The following CAMTA1 variants were observed in gnomAD, a reference collection of about 807,000 sequenced individuals.
CAMTA1 encodes calmodulin-binding transcription activator 1.
In CAMTA1, 27 loss-of-function variants were observed where a neutral mutation model predicts 170.9. The ratio of observed to expected loss-of-function variants is 0.16; its 90% CI spans 0.12 to 0.22. The LOEUF (loss-of-function observed/expected upper bound fraction) is 0.22, where lower values mean the gene tolerates loss of function less well. CAMTA1 is among the 10% of genes least tolerant of loss of function. CAMTA1 has a pLI of 1.00. For synonymous variants in CAMTA1, 833 were observed against 891.5 expected (o/e 0.93, Z 1.17); for missense variants, 1,619 against 2,217.2 (o/e 0.73, Z 5.42).
At chr1:6,896,555 C>T (rs191728429) in intron 3 of CAMTA1, among the ~76,000 whole-genome samples, 55 of 152,246 alleles carry the variant, frequency 3.6e-4, no homozygotes, top group Middle Eastern at 3.4e-3. Flanking sequence ...CTTTGGTCAG[C>T]CACTTTTCGT....
intron 5 of CAMTA1, among the ~76,000 whole-genome samples, chr1:7,272,488 C>G (rs907974872): frequency 1.2e-4 from 18 of 151,658 alleles, no homozygotes; most frequent in Non-Finnish European, 1.6e-4. Flanking sequence ...TTCTCAATTT[C>G]AAAACTTACT....
Position 7,534,625 on chromosome 1 carries a change from C to T in CAMTA1, c.510+66724C>T, listed in dbSNP as rs927922917. On this transcript the variant is annotated intron_variant, in intron 6 of 22. Transcript: ENST00000303635. The surrounding 1 kb of genome is among the most constrained non-coding windows in gnomAD (Gnocchi z 5.6). ...TGTCCTCGGCGGCACGGGCTGTGGCCGCAGAAGGCCAGCAGCTGTCCAGGG... is the reference window on the plus strand; with the variant it reads ...TGTCCTCGGCGGCACGGGCTGTGGCTGCAGAAGGCCAGCAGCTGTCCAGGG... Among the ~76,000 whole-genome samples the T allele has an allele frequency of 3.3e-5, 5 of 152,118 alleles. No individual in the cohort carries two copies. Among genetic ancestry groups the T allele is most frequent in the Non-Finnish European group, 5.9e-5 (4 of 68,026 alleles).
At chr1:7,105,534 T>C (rs558401093) in intron 4 of CAMTA1, among the ~76,000 whole-genome samples, 84 of 152,344 alleles carry the variant, frequency 5.5e-4, no homozygotes, top group African/African-American at 2.0e-3. Context: ...CACTGGGCTG[T>C]TGCTTTGAGC....
intron 3 of CAMTA1, among the ~76,000 whole-genome samples, chr1:6,883,029 G>A (rs1672045399): frequency 1.3e-5 from 2 of 152,112 alleles, no homozygotes; most frequent in Admixed American, 1.3e-4. Context: ...CCCAAGCTGG[G>A]ATTACAGGTG....
chr1:6,937,041 T>C (rs953572346), intron 3 of CAMTA1, among the ~76,000 whole-genome samples: 21 of 151,782 alleles, frequency 1.4e-4, no homozygotes, highest in Admixed American at 1.1e-3. Context: ...TCCATCATCA[T>C]CACCACCGTC....
chr1:6,958,404 C>A (rs148808557), intron 3 of CAMTA1, among the ~76,000 whole-genome samples: 1 of 152,346 alleles, frequency 6.6e-6, no homozygotes, highest in African/African-American at 2.4e-5. Flanking sequence ...GCCACCTCTG[C>A]TCTTTCATCC....
chr1:7,102,571 T>C (rs1245387284), intron 4 of CAMTA1, among the ~76,000 whole-genome samples: 1 of 152,148 alleles, frequency 6.6e-6, no homozygotes, highest in East Asian at 1.9e-4. Context: ...GATGAAATTA[T>C]GGAAAGAACA....
intron 3 of CAMTA1, among the ~76,000 whole-genome samples, chr1:6,851,887 G>C (rs1660503590): frequency 6.6e-6 from 1 of 151,798 alleles, no homozygotes; most frequent in South Asian, 2.1e-4. Context: ...GGTGGTGCAC[G>C]CCTGTAATTC....
At chr1:7,541,984 C>T (rs575318833) in intron 6 of CAMTA1, among the ~76,000 whole-genome samples, 21 of 152,246 alleles carry the variant, frequency 1.4e-4, no homozygotes, top group Non-Finnish European at 2.9e-4. Flanking sequence ...TACACCCCAA[C>T]ACAGGATGTG....
Position 7,476,958 on chromosome 1 carries a change from G to A in CAMTA1, c.510+9057G>A, listed in dbSNP as rs189095403. Among the ~76,000 whole-genome samples, 24 of 152,336 alleles carry A rather than the reference G, an allele frequency of 1.6e-4. No homozygotes were observed. The East Asian group carries it at 4.2e-3, about 27-fold the overall frequency. On this transcript the variant is annotated intron_variant, in intron 6 of 22. Transcript: ENST00000303635. Reference sequence around the variant, plus strand: ...AGGCCTCCGCAGCCCCCGCCATGCAGAGGGAAGGCTGGCTGAAGACCCAGA... The same window carrying A: ...AGGCCTCCGCAGCCCCCGCCATGCAAAGGGAAGGCTGGCTGAAGACCCAGA...
At chr1:7,383,710 A>G (rs1187149847) in intron 5 of CAMTA1, among the ~76,000 whole-genome samples, 2 of 152,012 alleles carry the variant, frequency 1.3e-5, no homozygotes, top group African/African-American at 4.8e-5. Context: ...GTCGAACAAG[A>G]TGATGGTGAT....
At chr1:7,391,040 C>T (rs905567888) in intron 5 of CAMTA1, among the ~76,000 whole-genome samples, 5 of 152,030 alleles carry the variant, frequency 3.3e-5, no homozygotes, top group African/African-American at 9.7e-5. Flanking sequence ...TCTTGTTGCC[C>T]GGGCTGGAGT....
Position 6,933,011 on chromosome 1 carries a change from C to CT in CAMTA1, c.234+107811dup, listed in dbSNP as rs946146672. Among the ~76,000 whole-genome samples, 413 of 147,334 alleles carry CT rather than the reference C, an allele frequency of 2.8e-3. 6 individuals carry two copies. The highest frequency in any genetic ancestry group is 0.012 in the East Asian group (62 of 5,046). Reference sequence around the variant, plus strand: ...TATGATAATGTCAGTTTTTTTAAATCTTTTTTTTTTCTGTTTTTAGGGATC... The same window carrying CT: ...TATGATAATGTCAGTTTTTTTAAATCTTTTTTTTTTTCTGTTTTTAGGGATC... On this transcript the variant is annotated intron_variant, in intron 3 of 22. Coordinates refer to ENST00000303635, the MANE Select transcript of CAMTA1 (RefSeq NM_015215.4).
intron 4 of CAMTA1, among the ~76,000 whole-genome samples, chr1:7,200,943 T>C (rs969927773): frequency 3.9e-5 from 6 of 152,198 alleles, no homozygotes; most frequent in African/African-American, 1.4e-4. Flanking sequence ...AGTGTACAAT[T>C]CAAAGGTTTT....
intron 22 of CAMTA1, among the ~76,000 whole-genome samples, chr1:7,764,503 C>G (rs184147687): frequency 3.9e-5 from 6 of 152,180 alleles, no homozygotes; most frequent in Admixed American, 3.9e-4. Flanking sequence ...ATCAACTTTG[C>G]AGAATACTCA....
chr1:7,746,688 A>G (rs2096859110), intron 18 of CAMTA1, among the ~76,000 whole-genome samples: 4 of 152,184 alleles, frequency 2.6e-5, no homozygotes, highest in Admixed American at 2.6e-4. Context: ...AGGCTGGAGA[A>G]GTGCAGTGGT....
At chr1:7,583,310 C>A (rs1238710906) in intron 6 of CAMTA1, among the ~76,000 whole-genome samples, 1 of 151,596 alleles carries the variant, frequency 6.6e-6, no homozygotes, top group Non-Finnish European at 1.5e-5. Flanking sequence ...CCTGGGAAGC[C>A]GAGAAGATCA....
chr1:7,641,189 T>C lies in CAMTA1; in HGVS notation c.664+636T>C, dbSNP rs1177994710. ...ACAGCTCCCGGCAGCCGCTGGCGGC[T>C]CTCAGTGGCTTCTCCTGCCCCCTGT... On this transcript the variant is annotated intron_variant, in intron 7 of 22. Coordinates refer to ENST00000303635, the MANE Select transcript of CAMTA1 (RefSeq NM_015215.4). The surrounding 1 kb of genome is among the most constrained non-coding windows in gnomAD (Gnocchi z 4.5). Among the ~76,000 whole-genome samples the C allele has an allele frequency of 1.3e-5, 2 of 152,230 alleles. No homozygotes were observed.
At chr1:7,340,716 G>GCATCCATCCATCCATC (rs60556819) in intron 5 of CAMTA1, among the ~76,000 whole-genome samples, 8 of 146,684 alleles carry the variant, frequency 5.5e-5, no homozygotes, top group Admixed American at 3.4e-4. Flanking sequence ...TTCCACCTGT[G>GCATCCATCCATCCATC]CATCCATCCA....
Sources: gnomAD v4.1 joint callset for allele counts (sites outside exome capture counted in the v4.1 genomes callset) on GRCh38, gnomAD v4.1.1 for gene constraint, Gnocchi (gnomAD v3.1) non-coding constraint, MANE v1.5 for transcripts, NCBI Gene and HGNC (gene_info 2026-07-23, HGNC 2026-07-21) for gene names.